PRXL2B: variants seen among roughly 807,000 people sequenced by gnomAD.
PRXL2B encodes the protein peroxiredoxin like 2B.
PRXL2B carries 26 observed loss-of-function variants against 24.4 expected under a neutral mutation model. The ratio of observed to expected loss-of-function variants is 1.07; its 90% CI spans 0.78 to 1.48. The LOEUF is 1.48. Among genes scored for constraint, PRXL2B ranks in the 40% most tolerant of loss-of-function variants. PRXL2B has a pLI of 0.00. For missense variants in PRXL2B, 269 were observed against 264.8 expected (o/e 1.02, Z -0.11); for synonymous variants, 115 against 118.9 (o/e 0.97, Z 0.21).
Position 2,587,439 on chromosome 1 carries a change from T to G in PRXL2B, c.268+144T>G. 1 of 997,548 alleles carries G rather than the reference T, an allele frequency of 1.0e-6. No homozygotes were observed. The allele number at this position is 997,548 out of a possible 1,614,324, so 61.8% of individuals were successfully genotyped here. The stretch of plus-strand genomic sequence containing the variant: ...CGGGTCAGCGTCCCTCATCTCTCCC[T>G]GCCTCCCCGCCCCGCAGCTGGTGGC... On this transcript the variant is annotated intron_variant, in intron 2 of 6. Transcript: ENST00000419916. This position sits in a 1 kb window ranked among gnomAD's most constrained non-coding sequence, Gnocchi z 6.1.
Position 2,589,725 on chromosome 1 carries a change from T to C in PRXL2B, c.*298T>C. 1.9e-6 allele frequency: 1 copy of C among 539,290 alleles called. No homozygotes were observed. The highest frequency in any genetic ancestry group is 2.3e-5 in the South Asian group (1 of 44,132). 33.4% of individuals were successfully genotyped at this position (539,290 alleles called of 1,614,324 possible). A position where few individuals can be genotyped will look rare whatever the true frequency, so the allele number is the denominator to read the frequency against. On this transcript the variant is annotated 3_prime_UTR_variant, in exon 7 of 7. Coordinates refer to ENST00000419916, the MANE Select transcript of PRXL2B (RefSeq NM_152371.5). The stretch of plus-strand genomic sequence containing the variant: ...TGCTCTGCGACTTTCTCTGGAGACC[T>C]TGGGCCTTTGGCCTGTGGGGCACTG...
In PRXL2B at chr1:2,590,766, G is replaced by A. The variant is rs1013974546; in HGVS notation, c.*1339G>A. The A allele has an allele frequency of 2.5e-6, 1 of 405,122 alleles. No individual in the cohort carries two copies. Among genetic ancestry groups the A allele is most frequent in the African/African-American group, 2.1e-5 (1 of 48,744 alleles). 25.1% of individuals were successfully genotyped at this position (405,122 alleles called of 1,614,324 possible). On this transcript the variant is annotated 3_prime_UTR_variant, in exon 7 of 7. Transcript: ENST00000419916. ...TGTGACGGGGGCACTGAGCCCCGCGGGTGTCTGTGGAGGGGGCTCCGGTCC... is the reference window on the plus strand; with the variant it reads ...TGTGACGGGGGCACTGAGCCCCGCGAGTGTCTGTGGAGGGGGCTCCGGTCC...
rs1178451370 is a variant in PRXL2B, at chr1:2,588,559, G to A, written c.394G>A (p.Val132Ile). 3 of 1,614,168 alleles carry A rather than the reference G, an allele frequency of 1.9e-6. No individual in the cohort carries two copies. The highest frequency in any genetic ancestry group is 3.3e-5 in the Admixed American group (2 of 60,036). The change falls in exon 5 of 7, where the codon GTT becomes ATT. Residue 132 changes from valine to isoleucine, a missense_variant. Val to Ile is a conservative substitution (Grantham distance 29, BLOSUM62 3). Transcript: ENST00000419916. ...TACCCACTCCTGACAGGCCAAGGCT[G>A]TTGGCATCCAGGGGAACTTGTCTGG... ...VRDVAAKAKA[V>I]GIQGNLSGDL...
chr1:2,589,117 G>C (rs558729234), intron 6 of PRXL2B, 77 bp downstream of exon 6: 1 of 1,406,686 alleles, frequency 7.1e-7, no homozygotes, highest in East Asian at 2.3e-5. Flanking sequence ...ACTCGGCTTG[G>C]CTGGGAGCTG....
At position 2,587,204 on chromosome 1, in the gene PRXL2B, G is replaced by C. The variant is rs1321087618; in HGVS notation, c.177G>C (p.Gly59=). The C allele has an allele frequency of 1.3e-6, 2 of 1,568,566 alleles. No individual in the cohort carries two copies. Among genetic ancestry groups the C allele is most frequent in the East Asian group, 4.7e-5 (2 of 42,744 alleles). Residue 59 remains glycine (G), a synonymous_variant, in exon 2 of 7, where the codon GGG becomes GGC. Transcript: ENST00000419916. The surrounding 1 kb of genome is among the most constrained non-coding windows in gnomAD (Gnocchi z 6.1). ...WIAQDLSSLA[G]LLDQHGVRLV... is the part of the protein sequence containing the mutation. ...CCCAGGACCTCAGCAGCCTTGCTGG[G>C]CTCCTGGACCAACACGGCGTGCGCC...
chr1:2,589,506 C>G lies in PRXL2B; in HGVS notation c.*79C>G, dbSNP rs1383438205. On this transcript the variant is annotated 3_prime_UTR_variant, in exon 7 of 7. Coordinates refer to ENST00000419916, the MANE Select transcript of PRXL2B (RefSeq NM_152371.5). ...TGTGCTGGAAGTCCACTTGGAAGAA[C>G]TGTTCCGGAGGCGCTGGGTCGGGAT... 6.2e-7 allele frequency: 1 copy of G among 1,607,456 alleles called. No individual in the cohort carries two copies. Among genetic ancestry groups the G allele is most frequent in the South Asian group, 1.1e-5 (1 of 90,858 alleles).
Position 2,588,431 on chromosome 1 carries a change from C to T in PRXL2B, c.362C>T (p.Pro121Leu), listed in dbSNP as rs918359258. ...ATCCTCCCAGCAGCTCTGGGGAAGC[C>T]CGTGCGTGATGTGGCTGCCAAGGTG... ...LSILPAALGK[P>L]VRDVAAKAKA... The change falls in exon 4 of 7, where the codon CCC becomes CTC. Residue 121 changes from proline (P) to leucine (L), a missense_variant. Pro to Leu is a moderately conservative substitution (Grantham distance 98, BLOSUM62 -3). Coordinates refer to ENST00000419916, the MANE Select transcript of PRXL2B (RefSeq NM_152371.5). 6.8e-6 allele frequency: 11 copies of T among 1,614,018 alleles called. No homozygotes were observed. Among genetic ancestry groups the T allele is most frequent in the Admixed American group, 1.7e-5 (1 of 60,006 alleles).
At position 2,589,588 on chromosome 1, in the gene PRXL2B, C is replaced by A; in HGVS notation, c.*161C>A. On this transcript the variant is annotated 3_prime_UTR_variant, in exon 7 of 7. Coordinates refer to ENST00000419916, the MANE Select transcript of PRXL2B (RefSeq NM_152371.5). ...GAGCCATTAAAACTGCAGTTCCTGA[C>A]CACGCACTGCTTCGCAGGCTCCGAG... 3.2e-6 allele frequency: 3 copies of A among 932,166 alleles called. No homozygotes were observed. Among genetic ancestry groups the A allele is most frequent in the Non-Finnish European group, 5.0e-6 (3 of 605,904 alleles). The allele number at this position is 932,166 out of a possible 1,614,324, so 57.7% of individuals were successfully genotyped here. A position where few individuals can be genotyped will look rare whatever the true frequency, so the allele number is the denominator to read the frequency against.
In PRXL2B at chr1:2,588,370, G is replaced by A; in HGVS notation, c.321-20G>A. Reference sequence around the variant, plus strand: ...CCAGGCTTCTCCGGAGTTTGGCCAAGCGACCTGGTGTCTTCGCAGGTACAA... The same window carrying A: ...CCAGGCTTCTCCGGAGTTTGGCCAAACGACCTGGTGTCTTCGCAGGTACAA... On this transcript the variant is annotated intron_variant, in intron 3 of 6. Coordinates refer to ENST00000419916, the MANE Select transcript of PRXL2B (RefSeq NM_152371.5). 6.2e-7 allele frequency: 1 copy of A among 1,614,144 alleles called. No homozygotes were observed. The highest frequency in any genetic ancestry group is 8.5e-7 in the Non-Finnish European group (1 of 1,180,032).
intron 5 of PRXL2B, 35 bp downstream of exon 5, chr1:2,588,660 A>T (rs1644590613): frequency 6.2e-7 from 1 of 1,604,796 alleles, no homozygotes; most frequent in African/African-American, 1.3e-5. Context: ...CACTGCCTCA[A>T]GGAGGGCCTT....
In PRXL2B at chr1:2,590,987, T is replaced by C; in HGVS notation, c.*1560T>C. 2 of 1,578,352 alleles carry C rather than the reference T, an allele frequency of 1.3e-6. No individual in the cohort carries two copies. Among genetic ancestry groups the C allele is most frequent in the African/African-American group, 1.4e-5 (1 of 73,966 alleles). ...TGGGCCGCACAGCGCGGCAGGGCCT[T>C]GGCTACCACACGCGGCATCGCTCCT... On this transcript the variant is annotated 3_prime_UTR_variant, in exon 7 of 7. Transcript: ENST00000419916.
At position 2,591,452 on chromosome 1, in the gene PRXL2B, C is replaced by A. The variant is rs1644703861; in HGVS notation, c.*2025C>A. On this transcript the variant is annotated 3_prime_UTR_variant, in exon 7 of 7. Transcript: ENST00000419916. ...TCTCAGGTTTATTCCCAAAATAAAC[C>A]TGTCTCTGTTGAGCCACTTTTTGTG... 5.4e-6 allele frequency: 5 copies of A among 920,316 alleles called. No individual in the cohort carries two copies. The highest frequency in any genetic ancestry group is 7.1e-6 in the Non-Finnish European group (4 of 562,622). The allele number at this position is 920,316 out of a possible 1,614,324, so 57.0% of individuals were successfully genotyped here. A position where few individuals can be genotyped will look rare whatever the true frequency, so the allele number is the denominator to read the frequency against.
chr1:2,588,192 A>G (rs1228582371), intron 3 of PRXL2B, 198 bp from the exon 4 acceptor site: 3 of 710,734 alleles, frequency 4.2e-6, no homozygotes, highest in Non-Finnish European at 7.2e-6. Context: ...ACCCTCGGCT[A>G]GCAGCCACTG....
In PRXL2B at chr1:2,591,362, C is replaced by T. The variant is rs1345102620; in HGVS notation, c.*1935C>T. 1.6e-6 allele frequency: 1 copy of T among 608,660 alleles called. No individual in the cohort carries two copies. The highest frequency in any genetic ancestry group is 2.9e-6 in the Non-Finnish European group (1 of 343,334). 37.7% of individuals were successfully genotyped at this position (608,660 alleles called of 1,614,324 possible). On this transcript the variant is annotated 3_prime_UTR_variant, in exon 7 of 7. Transcript: ENST00000419916. The stretch of plus-strand genomic sequence containing the variant: ...CGCAGCCTGCGGTAGGCTCCCCCTT[C>T]CTAAACCCTTAAATGCCCTTAGTCT...
rs1299567904 is a variant in PRXL2B at position 2,586,869 on chromosome 1, G to T, written c.-17G>T. 6 of 1,292,744 alleles carry T rather than the reference G, an allele frequency of 4.6e-6. No homozygotes were observed. The highest frequency in any genetic ancestry group is 5.9e-6 in the Non-Finnish European group (6 of 1,021,140). The allele number at this position is 1,292,744 out of a possible 1,614,324, so 80.1% of individuals were successfully genotyped here. A position where few individuals can be genotyped will look rare whatever the true frequency, so the allele number is the denominator to read the frequency against. On this transcript the variant is annotated 5_prime_UTR_variant, in exon 1 of 7. Transcript: ENST00000419916. ...AGGGAGTCGGGGAGCCGGGAACCAG[G>T]GCTGGCAGCGGCCGCCATGAGCACG...
rs189022428 is a variant in PRXL2B at position 2,589,610 on chromosome 1, C to A, written c.*183C>A. 3.8e-6 allele frequency: 3 copies of A among 794,116 alleles called. No homozygotes were observed. The highest frequency in any genetic ancestry group is 4.0e-6 in the Non-Finnish European group (2 of 494,032). 49.2% of individuals were successfully genotyped at this position (794,116 alleles called of 1,614,324 possible). Reference sequence around the variant, plus strand: ...TGACCACGCACTGCTTCGCAGGCTCCGAGCCCTGCATCCTCCACAGCCCCC... The same window carrying A: ...TGACCACGCACTGCTTCGCAGGCTCAGAGCCCTGCATCCTCCACAGCCCCC... On this transcript the variant is annotated 3_prime_UTR_variant, in exon 7 of 7. Coordinates refer to ENST00000419916, the MANE Select transcript of PRXL2B (RefSeq NM_152371.5).
In PRXL2B at chr1:2,590,794, G is replaced by A. The variant is rs1266260959; in HGVS notation, c.*1367G>A. 9.4e-6 allele frequency: 4 copies of A among 424,684 alleles called. No homozygotes were observed. The highest frequency in any genetic ancestry group is 1.7e-5 in the Non-Finnish European group (4 of 241,710). The allele number at this position is 424,684 out of a possible 1,614,324, so 26.3% of individuals were successfully genotyped here. ...GTCTGTGGAGGGGGCTCCGGTCCAG[G>A]TACTGCACTGGACACTGCTCATCCC... On this transcript the variant is annotated 3_prime_UTR_variant, in exon 7 of 7. Coordinates refer to ENST00000419916, the MANE Select transcript of PRXL2B (RefSeq NM_152371.5).
chr1:2,589,272 G>T, intron 6 of PRXL2B, 138 bp from the exon 7 acceptor site: 2 of 1,328,002 alleles, frequency 1.5e-6, no homozygotes, highest in South Asian at 1.4e-5. Flanking sequence ...CCTCAGAGGT[G>T]GGGGCGACAC....
In PRXL2B at chr1:2,587,139, G is replaced by C; in HGVS notation, c.112G>C (p.Gly38Arg). ...LWREHACVVA[G>R]LRRFGCVVCR... ...GCGGGAGCACGCGTGCGTGGTGGCC[G>C]GGCTGCGGCGCTTCGGGTGCGTGGT... Residue 38 changes from glycine to arginine, a missense_variant, in exon 2 of 7, where the codon GGG becomes CGG. Transcript: ENST00000419916. The surrounding 1 kb of genome is among the most constrained non-coding windows in gnomAD (Gnocchi z 6.1). 1 of 1,538,660 alleles carries C rather than the reference G, an allele frequency of 6.5e-7. No individual in the cohort carries two copies. The highest frequency in any genetic ancestry group is 1.2e-5 in the South Asian group (1 of 84,286).
Sources: allele counts gnomAD v4.1 joint callset, GRCh38; gene constraint gnomAD v4.1.1; non-coding constraint Gnocchi (gnomAD v3.1); transcripts MANE v1.5; gene names NCBI Gene and HGNC (gene_info 2026-07-23, HGNC 2026-07-21).